DISC1: variants seen among roughly 807,000 people sequenced by gnomAD.
The protein encoded by DISC1 is DISC1 scaffold protein.
In DISC1, 57 loss-of-function variants were observed where a neutral mutation model predicts 84.5. That is an observed-to-expected ratio of 0.67 (90% CI 0.55 to 0.84). The LOEUF (loss-of-function observed/expected upper bound fraction) is 0.84. Ranked by LOEUF, DISC1 falls within the 40% of genes least tolerant of loss-of-function variation. The pLI is 0.00. For synonymous variants in DISC1, 411 were observed against 415.2 expected (o/e 0.99, Z 0.12); for missense variants, 1,000 against 1,057.8 (o/e 0.95, Z 0.76).
intron 9 of DISC1, among the ~76,000 whole-genome samples, chr1:231,928,791 T>C (rs912313431): frequency 6.6e-6 from 1 of 152,232 alleles, no homozygotes; most frequent in African/African-American, 2.4e-5. Flanking sequence ...AACTTATTTA[T>C]TCCTGCCTTA....
At chr1:231,756,896 T>C (rs575622009) in intron 4 of DISC1, among the ~76,000 whole-genome samples, 1 of 152,292 alleles carries the variant, frequency 6.6e-6, no homozygotes, top group Non-Finnish European at 1.5e-5. Context: ...ATTAACACAA[T>C]TACCTAGTTG....
intron 9 of DISC1, among the ~76,000 whole-genome samples, chr1:231,928,351 G>T (rs980843311): frequency 6.6e-6 from 1 of 152,254 alleles, no homozygotes; most frequent in Non-Finnish European, 1.5e-5. Context: ...GTGACAGCAG[G>T]AGATGATTTT....
chr1:231,971,082 G>T (rs757168561), intron 10 of DISC1, among the ~76,000 whole-genome samples: 1 of 152,154 alleles, frequency 6.6e-6, no homozygotes, highest in Non-Finnish European at 1.5e-5. Context: ...GTTTTAAAAA[G>T]ACAGTTTAAT....
intron 3 of DISC1, among the ~76,000 whole-genome samples, chr1:231,728,743 C>T (rs1327098589): frequency 6.6e-6 from 1 of 152,176 alleles, no homozygotes. Context: ...CTAAAATCTG[C>T]ATGGCATCTG....
intron 3 of DISC1, among the ~76,000 whole-genome samples, chr1:231,736,467 T>TAAA (rs1350986090): frequency 2.6e-5 from 4 of 152,226 alleles, no homozygotes; most frequent in Admixed American, 1.3e-4. Context: ...CTCTGCAAAG[T>TAAA]GTTGTGAAAG....
chr1:232,013,713 C>T (rs538930426), intron 11 of DISC1, among the ~76,000 whole-genome samples: 34 of 152,266 alleles, frequency 2.2e-4, no homozygotes, highest in African/African-American at 8.2e-4. Context: ...CCAGCAAGCC[C>T]TGTCTGTTCA....
At chr1:231,955,183 G>A (rs199621426) in intron 9 of DISC1, among the ~76,000 whole-genome samples, 135 of 152,264 alleles carry the variant, frequency 8.9e-4, no homozygotes, top group Admixed American at 2.0e-3. Context: ...GGCGCGTTGC[G>A]TACGATCAGC....
At chr1:231,900,988 C>T (rs1027381033) in intron 9 of DISC1, among the ~76,000 whole-genome samples, 3 of 152,192 alleles carry the variant, frequency 2.0e-5, no homozygotes, top group Non-Finnish European at 4.4e-5. Flanking sequence ...CAGCCACATA[C>T]AGAACCTCAA....
chr1:231,673,121 C>T (rs2062782477), intron 1 of DISC1, among the ~76,000 whole-genome samples: 1 of 152,202 alleles, frequency 6.6e-6, no homozygotes, highest in African/African-American at 2.4e-5. Context: ...AATTCTGTGC[C>T]TTCCTTTGCC....
chr1:231,854,735 T>TTTA, intron 9 of DISC1: 1 of 123,870 alleles, frequency 8.1e-6, no homozygotes, highest in Non-Finnish European at 1.7e-5. Flanking sequence ...TTTTTTTTTT[T>TTTA]GAGATGGAGT....
At chr1:231,985,118 C>T (rs988768481) in intron 10 of DISC1, among the ~76,000 whole-genome samples, 8 of 151,904 alleles carry the variant, frequency 5.3e-5, no homozygotes, top group South Asian at 2.1e-4. Context: ...GTCAGAAGTT[C>T]GAGACCAGCC....
At position 232,008,906 on chromosome 1, in the gene DISC1, A is replaced by G. The variant is rs778418318; in HGVS notation, c.2164A>G (p.Met722Val). 6 of 1,613,858 alleles carry G rather than the reference A, an allele frequency of 3.7e-6. No homozygotes were observed. The highest frequency in any genetic ancestry group is 2.2e-5 in the East Asian group (1 of 44,852). Reference sequence around the variant, plus strand: ...CCTGTCTGTAGAAGATGAGAGGCAGATGGATGACTTAGAGGGAGCTGCTCC... The same window carrying G: ...CCTGTCTGTAGAAGATGAGAGGCAGGTGGATGACTTAGAGGGAGCTGCTCC... Reference protein sequence around the residue: ...GSLSVEDERQMDDLEGAAPPI... With the variant: ...GSLSVEDERQVDDLEGAAPPI... Residue 722 changes from methionine to valine, a missense_variant, in exon 11 of 13, where the codon ATG becomes GTG. Transcript: ENST00000439617.
Position 231,893,609 on chromosome 1 carries a change from T to C in DISC1, c.1982-65219T>C, listed in dbSNP as rs1772687. Among the ~76,000 whole-genome samples, 998 of 152,280 alleles carry C rather than the reference T, an allele frequency of 6.6e-3. 11 individuals carry two copies. The highest frequency in any genetic ancestry group is 0.023 in the African/African-American group (959 of 41,556). ...TTTGTGGGTTGGGTCAGATCTACTT[T>C]GAGTAATTCTGGGACTGGGCTACCT... On this transcript the variant is annotated intron_variant, in intron 9 of 12. Transcript: ENST00000439617.
chr1:231,888,358 G>GC (rs2086927067), intron 9 of DISC1, among the ~76,000 whole-genome samples: 1 of 152,044 alleles, frequency 6.6e-6, no homozygotes, highest in African/African-American at 2.4e-5. Context: ...GAATACCAGA[G>GC]GAGGCAAGCC....
intron 10 of DISC1, among the ~76,000 whole-genome samples, chr1:231,982,348 C>G (rs546786865): frequency 1.6e-4 from 24 of 152,162 alleles, no homozygotes; most frequent in Non-Finnish European, 1.5e-4. Flanking sequence ...TTCCTCCTTA[C>G]CTTTCTCCTT....
In DISC1 at chr1:232,008,936, A is replaced by C; in HGVS notation, c.2194A>C (p.Ile732Leu). Reference protein sequence around the residue: ...MDDLEGAAPPIPPRLHSEDKR... With the variant: ...MDDLEGAAPPLPPRLHSEDKR... Reference sequence around the variant, plus strand: ...TGACTTAGAGGGAGCTGCTCCTCCTATTCCCCCCAGGCTCCACTCCGAGGA... The same window carrying C: ...TGACTTAGAGGGAGCTGCTCCTCCTCTTCCCCCCAGGCTCCACTCCGAGGA... The change falls in exon 11 of 13, where the codon ATT (isoleucine) becomes CTT (leucine). Residue 732 changes from isoleucine (I) to leucine (L), a missense_variant. Coordinates refer to ENST00000439617, the MANE Select transcript of DISC1 (RefSeq NM_018662.3). 3.7e-6 allele frequency: 6 copies of C among 1,613,544 alleles called. No homozygotes were observed. Among genetic ancestry groups the C allele is most frequent in the Non-Finnish European group, 4.2e-6 (5 of 1,179,646 alleles).
intron 9 of DISC1, among the ~76,000 whole-genome samples, chr1:231,914,771 G>C (rs2089494347): frequency 6.6e-6 from 1 of 152,194 alleles, no homozygotes; most frequent in African/African-American, 2.4e-5. Flanking sequence ...AGCTTGCACT[G>C]TAAGTCCACG....
At chr1:231,636,768 C>A (rs1214986219) in intron 1 of DISC1, among the ~76,000 whole-genome samples, 1 of 152,142 alleles carries the variant, frequency 6.6e-6, no homozygotes, top group East Asian at 1.9e-4. Context: ...TTTATATTGA[C>A]ACTACCTTTA....
At chr1:231,793,953 T>C (rs956600911) in intron 6 of DISC1, among the ~76,000 whole-genome samples, 1 of 152,220 alleles carries the variant, frequency 6.6e-6, no homozygotes, top group Non-Finnish European at 1.5e-5. Flanking sequence ...TATTTTATTT[T>C]ATTTTTTGGA....
Sources: gnomAD v4.1 joint callset for allele counts (sites outside exome capture counted in the v4.1 genomes callset) on GRCh38, gnomAD v4.1.1 for gene constraint, MANE v1.5 for transcripts, NCBI Gene and HGNC (gene_info 2026-07-23, HGNC 2026-07-21) for gene names.